Variants in CDH9 observed in about 807,000 individuals in gnomAD.
CDH9 encodes cadherin-9.
CDH9 carries 28 observed loss-of-function variants against 70.9 expected under a neutral mutation model. The observed-to-expected ratio is 0.40, with a 90% CI of 0.29 to 0.54. The LOEUF (loss-of-function observed/expected upper bound fraction) is 0.54, where lower values mean the gene tolerates loss of function less well. Among genes scored for constraint, CDH9 ranks in the 20% least tolerant of loss-of-function variants. The pLI, the probability that CDH9 is intolerant of heterozygous loss-of-function variation, is 0.59. For missense variants in CDH9, 874 were observed against 984.4 expected, an observed-to-expected ratio of 0.89 and a Z score of 1.50; for synonymous variants, 409 against 343.1, an observed-to-expected ratio of 1.19 and a Z score of -2.12.
chr5:26,970,823 G>A (rs1275518250), intron 2 of CDH9, among the ~76,000 whole-genome samples: 2 of 151,766 alleles, frequency 1.3e-5, no homozygotes, highest in Admixed American at 6.6e-5. Flanking sequence ...ATAAATAGAC[G>A]ATTTTTCTTA....
chr5:26,967,223 G>T (rs2112068834), intron 2 of CDH9, among the ~76,000 whole-genome samples: 1 of 152,078 alleles, frequency 6.6e-6, no homozygotes, highest in African/African-American at 2.4e-5. Flanking sequence ...CGAAATGCTG[G>T]GATTGCAGGC....
intron 2 of CDH9, among the ~76,000 whole-genome samples, chr5:26,941,083 A>G (rs1741655012): frequency 6.6e-6 from 1 of 152,210 alleles, no homozygotes; most frequent in South Asian, 2.1e-4. Context: ...ATACCATCTT[A>G]TACTAGTCAC....
intron 2 of CDH9, among the ~76,000 whole-genome samples, chr5:26,977,471 GC>G (rs1742320065): frequency 1.0e-5 from 1 of 99,102 alleles, no homozygotes; most frequent in Non-Finnish European, 2.0e-5. Context: ...ATATATGTGT[GC>G]GTGTGTGTGT....
chr5:26,966,678 G>A (rs1263597155), intron 2 of CDH9, among the ~76,000 whole-genome samples: 10 of 152,016 alleles, frequency 6.6e-5, no homozygotes, highest in African/African-American at 9.7e-5. Context: ...ATTTATCTTC[G>A]TCTAGTTGAA....
intron 2 of CDH9, among the ~76,000 whole-genome samples, chr5:26,938,130 T>C (rs1360583536): frequency 3.3e-5 from 5 of 151,520 alleles, no homozygotes; most frequent in African/African-American, 1.2e-4. Context: ...AATTTTTCTG[T>C]AAACCTAAAA....
chr5:26,942,905 A>G (rs556571891), intron 2 of CDH9, among the ~76,000 whole-genome samples: 65 of 152,248 alleles, frequency 4.3e-4, no homozygotes, highest in Non-Finnish European at 7.2e-4. Flanking sequence ...GTTTTCAGTA[A>G]TTGTAATGCA....
rs72733249 is a variant in CDH9 at position 27,013,077 on chromosome 5, T to C, written c.-49-24695A>G. On this transcript the variant is annotated intron_variant, in intron 1 of 11. Coordinates refer to ENST00000231021, the MANE Select transcript of CDH9 (RefSeq NM_016279.4). ...CCATTTATTTGTTAAAATAATCAAT[T>C]TGGAGGTCATTAGATTAAGGCAGCT... Among the ~76,000 whole-genome samples the C allele has an allele frequency of 6.3e-3, 962 of 151,934 alleles. 4 individuals carry two copies. The highest frequency in any genetic ancestry group is 9.9e-3 in the Non-Finnish European group (674 of 67,914).
At chr5:26,980,430 A>G (rs1337498045) in intron 2 of CDH9, among the ~76,000 whole-genome samples, 1 of 151,962 alleles carries the variant, frequency 6.6e-6, no homozygotes, top group Non-Finnish European at 1.5e-5. Context: ...TCAATTGTCT[A>G]TCTAAAGTGA....
chr5:26,987,310 G>A (rs1387745086), intron 2 of CDH9, among the ~76,000 whole-genome samples: 2 of 151,604 alleles, frequency 1.3e-5, no homozygotes, highest in Non-Finnish European at 2.9e-5. Context: ...GGTGTAAATT[G>A]GGAACAATTA....
chr5:26,920,292 G>T (rs962703198), intron 2 of CDH9, among the ~76,000 whole-genome samples: 52 of 151,816 alleles, frequency 3.4e-4, no homozygotes, highest in African/African-American at 1.2e-3. Context: ...TGAGGAAAGG[G>T]GAGGGAAGAC....
At chr5:26,898,107 A>C (rs1156645884) in intron 7 of CDH9, among the ~76,000 whole-genome samples, 1 of 152,168 alleles carries the variant, frequency 6.6e-6, no homozygotes, top group Non-Finnish European at 1.5e-5. Flanking sequence ...CTAGGAATAA[A>C]GCTTACAAGG....
intron 3 of CDH9, among the ~76,000 whole-genome samples, chr5:26,913,472 A>T (rs752750529): frequency 6.6e-5 from 10 of 152,108 alleles, no homozygotes; most frequent in Non-Finnish European, 1.2e-4. Context: ...AGCCAGAGCC[A>T]TACATCTGCC....
rs576938742 is a variant in CDH9 at position 27,014,935 on chromosome 5, C to T, written c.-50+23528G>A. Among the ~76,000 whole-genome samples, 13 of 151,892 alleles carry T rather than the reference C, an allele frequency of 8.6e-5. No homozygotes were observed. In the South Asian group the frequency reaches 1.2e-3, roughly 15 times the overall value. ...ATCCACAGAGTTTAATGTAGAAATA[C>T]GATCTGGTTTTGTAGGATAAATAAC... is the stretch of plus-strand genomic sequence containing the variant. On this transcript the variant is annotated intron_variant, in intron 1 of 11. Transcript: ENST00000231021.
chr5:26,934,119 G>T (rs1036629635), intron 2 of CDH9, among the ~76,000 whole-genome samples: 1 of 152,056 alleles, frequency 6.6e-6, no homozygotes, highest in Non-Finnish European at 1.5e-5. Context: ...GAAAGAGAGA[G>T]GGGAGAAAGG....
intron 1 of CDH9, among the ~76,000 whole-genome samples, chr5:27,003,823 G>T (rs1032564771): frequency 5.3e-5 from 8 of 151,712 alleles, no homozygotes; most frequent in East Asian, 3.9e-4. Context: ...AACATAGGAG[G>T]TATAAATTAA....
At position 26,896,408 on chromosome 5, in the gene CDH9, A is replaced by G. The variant is rs568968771; in HGVS notation, c.1254-5844T>C. 2.6e-5 allele frequency among the ~76,000 whole-genome samples: 4 copies of G among 151,908 alleles called. No homozygotes were observed. In the East Asian group the frequency reaches 7.7e-4, roughly 29 times the overall value. The stretch of plus-strand genomic sequence containing the variant: ...ATATGTGTGTATGTAAAGATTGTAT[A>G]TATCTCTAATCTAAATATTTATTTA... On this transcript the variant is annotated intron_variant, in intron 7 of 11. Coordinates refer to ENST00000231021, the MANE Select transcript of CDH9 (RefSeq NM_016279.4).
At chr5:26,937,619 T>G (rs1459329882) in intron 2 of CDH9, among the ~76,000 whole-genome samples, 2 of 152,140 alleles carry the variant, frequency 1.3e-5, no homozygotes, top group Non-Finnish European at 2.9e-5. Context: ...GGTACATCCC[T>G]ATAATGGAAT....
chr5:26,914,004 G>C (rs1741100624), intron 3 of CDH9, among the ~76,000 whole-genome samples: 1 of 151,818 alleles, frequency 6.6e-6, no homozygotes, highest in South Asian at 2.1e-4. Flanking sequence ...CTCTGATAGG[G>C]AAATACTTGT....
At chr5:27,023,392 A>G (rs938352418) in intron 1 of CDH9, among the ~76,000 whole-genome samples, 1 of 152,000 alleles carries the variant, frequency 6.6e-6, no homozygotes, top group Non-Finnish European at 1.5e-5. Flanking sequence ...AATGGTACTC[A>G]TTTTTCTCTG....
Sources: allele counts gnomAD v4.1 joint callset (sites outside exome capture counted in the v4.1 genomes callset), GRCh38; gene constraint gnomAD v4.1.1; transcripts MANE v1.5; gene names NCBI Gene and HGNC (gene_info 2026-07-23, HGNC 2026-07-21).